Variants in TRPC5 observed in about 807,000 individuals in gnomAD.
TRPC5 encodes the protein short transient receptor potential channel 5.
TRPC5 carries 9 observed loss-of-function variants against 56.5 expected under a neutral mutation model. That is an observed-to-expected ratio of 0.16 (90% CI 0.10 to 0.28). The LOEUF is 0.28. TRPC5 is among the 10% of genes least tolerant of loss of function. TRPC5 has a pLI of 1.00. For missense variants in TRPC5, 469 were observed against 748.9 expected, an observed-to-expected ratio of 0.63 and a Z score of 4.36; for synonymous variants, 282 against 278.5, an observed-to-expected ratio of 1.01 and a Z score of -0.13.
At chrX:111,989,307 A>G (rs1352848437) in intron 1 of TRPC5, among the ~76,000 whole-genome samples, 3 of 111,941 alleles carry the variant, frequency 2.7e-5, no homozygotes, top group African/African-American at 9.7e-5. Flanking sequence ...GGGCTGAGGC[A>G]TGATGCTTCT....
intron 7 of TRPC5, among the ~76,000 whole-genome samples, chrX:111,803,980 T>A (rs1243996236): frequency 1.8e-5 from 2 of 112,393 alleles, no homozygotes; most frequent in African/African-American, 3.2e-5. Flanking sequence ...TTTTATGGTT[T>A]TAGGTATAAC....
chrX:111,943,897 T>G (rs1926850888), intron 2 of TRPC5, among the ~76,000 whole-genome samples: 1 of 112,293 alleles, frequency 8.9e-6, no homozygotes, highest in African/African-American at 3.2e-5. Context: ...GAGTACCGTT[T>G]GCCAGCTGGT....
intron 3 of TRPC5, among the ~76,000 whole-genome samples, chrX:111,894,773 A>G (rs1465681399): frequency 9.0e-6 from 1 of 111,522 alleles, no homozygotes; most frequent in African/African-American, 3.3e-5. Flanking sequence ...AAATTGCGCA[A>G]ATTTTAAGGG....
chrX:112,001,895 A>T (rs1384510537), intron 1 of TRPC5, among the ~76,000 whole-genome samples: 3 of 112,491 alleles, frequency 2.7e-5, no homozygotes, highest in Middle Eastern at 4.6e-3. Context: ...TGAATAAAAA[A>T]TGAATCCTTG....
intron 6 of TRPC5, among the ~76,000 whole-genome samples, chrX:111,840,797 G>A (rs1011949535): frequency 9.8e-5 from 11 of 112,192 alleles, no homozygotes; most frequent in African/African-American, 3.6e-4. Flanking sequence ...CATATGGTAA[G>A]CATTAATAAT....
intron 1 of TRPC5, among the ~76,000 whole-genome samples, chrX:112,057,214 G>A (rs7064554): frequency 0.19 from 21,167 of 110,996 alleles, 2,159 homozygotes; most frequent in African/African-American, 0.39. Flanking sequence ...TTGGGGGAGG[G>A]AAGGGAAATG....
intron 1 of TRPC5, among the ~76,000 whole-genome samples, chrX:112,055,215 A>G (rs1162506067): frequency 2.7e-5 from 3 of 112,377 alleles, no homozygotes; most frequent in African/African-American, 9.7e-5. Context: ...GGAGAAACTT[A>G]GTGTAAGCAC....
At chrX:111,901,219 G>T (rs768564826) in intron 3 of TRPC5, among the ~76,000 whole-genome samples, 4 of 111,499 alleles carry the variant, frequency 3.6e-5, no homozygotes, top group Non-Finnish European at 5.7e-5. Flanking sequence ...GATATAAATG[G>T]CAATGAGGCA....
intron 3 of TRPC5, among the ~76,000 whole-genome samples, chrX:111,896,703 G>A (rs1208581178): frequency 8.9e-6 from 1 of 111,782 alleles, no homozygotes; most frequent in African/African-American, 3.3e-5. Flanking sequence ...AGGAGAATGA[G>A]ATGTCAGCTC....
In TRPC5 at chrX:111,944,303, T is replaced by TGTGAAAGA. The variant is rs1173179815; in HGVS notation, c.378+7739_378+7740insTCTTTCAC. Among the ~76,000 whole-genome samples, 14 of 61,370 alleles carry TGTGAAAGA rather than the reference T, an allele frequency of 2.3e-4. 1 individual carries two copies. The highest frequency in any genetic ancestry group is 1.3e-3 in the African/African-American group (12 of 9,472). The allele number at this position is 61,370 out of a possible 115,157, so 53.3% of individuals were successfully genotyped here. ...GTGTGTGTGTGTGTGTGTGTGTGTG[T>TGTGAAAGA]GAGAGAGAGAGAGAGAGAGAGAGAG... On this transcript the variant is annotated intron_variant, in intron 2 of 10. Transcript: ENST00000262839.
chrX:112,008,804 C>T (rs776976378), intron 1 of TRPC5, among the ~76,000 whole-genome samples: 16 of 111,290 alleles, frequency 1.4e-4, no homozygotes, highest in Non-Finnish European at 2.1e-4. Flanking sequence ...CAGTGCCTGG[C>T]ACATATCAAA....
chrX:112,024,668 C>T (rs1929369908), intron 1 of TRPC5, among the ~76,000 whole-genome samples: 1 of 111,620 alleles, frequency 9.0e-6, no homozygotes, highest in South Asian at 3.8e-4. Context: ...AATACACCTA[C>T]CCTTCCACAG....
intron 3 of TRPC5, among the ~76,000 whole-genome samples, chrX:111,889,396 G>A (rs7885976): frequency 8.9e-6 from 1 of 111,798 alleles, no homozygotes; most frequent in Non-Finnish European, 1.9e-5. Context: ...TGTTCCCATT[G>A]AGTGAGCCTG....
At chrX:111,820,972 T>C (rs776221714) in intron 7 of TRPC5, among the ~76,000 whole-genome samples, 27 of 111,499 alleles carry the variant, frequency 2.4e-4, no homozygotes, top group Non-Finnish European at 3.6e-4. Context: ...AGAATATCCA[T>C]TGGGCAATGG....
At chrX:112,071,294 T>C (rs896173214) in intron 1 of TRPC5, among the ~76,000 whole-genome samples, 2 of 107,975 alleles carry the variant, frequency 1.9e-5, no homozygotes, top group African/African-American at 6.8e-5. Flanking sequence ...GGTGGCAGAT[T>C]GAGACCCTGT....
intron 2 of TRPC5, among the ~76,000 whole-genome samples, chrX:111,936,833 G>A (rs1489321399): frequency 1.0e-5 from 1 of 97,096 alleles, no homozygotes; most frequent in Non-Finnish European, 2.1e-5. Flanking sequence ...ATAGCAGCAT[G>A]ATTTATAGTC....
intron 1 of TRPC5, among the ~76,000 whole-genome samples, chrX:112,065,972 C>A (rs1930573780): frequency 9.1e-6 from 1 of 109,464 alleles, no homozygotes; most frequent in Admixed American, 9.8e-5. Context: ...AAAGGTACCT[C>A]TGGCTACCAT....
chrX:111,924,782 G>A (rs1441323071), intron 2 of TRPC5, among the ~76,000 whole-genome samples: 1 of 112,555 alleles, frequency 8.9e-6, no homozygotes, highest in Non-Finnish European at 1.9e-5. Flanking sequence ...GTCTCCAGAG[G>A]TAGAATACTG....
chrX:111,830,918 C>T, intron 7 of TRPC5, among the ~76,000 whole-genome samples: 1 of 112,568 alleles, frequency 8.9e-6, no homozygotes, highest in Admixed American at 9.4e-5. Flanking sequence ...TCTCTGAATA[C>T]TAACCTTCAT....
Sources: allele counts gnomAD v4.1 joint callset (sites outside exome capture counted in the v4.1 genomes callset), GRCh38; gene constraint gnomAD v4.1.1; transcripts MANE v1.5; gene names NCBI Gene and HGNC (gene_info 2026-07-23, HGNC 2026-07-21).